The following SCGB2B2 variants were observed in gnomAD, a reference collection of about 807,000 sequenced individuals.
SCGB2B2 encodes the protein secretoglobin-like protein.
SCGB2B2 carries 11 observed loss-of-function variants against 7.6 expected under a neutral mutation model. The observed-to-expected ratio is 1.45, with a 90% confidence interval of 0.91 to 2.40. The LOEUF (loss-of-function observed/expected upper bound fraction) is 2.40. Among genes scored for constraint, SCGB2B2 ranks in the 30% most tolerant of loss-of-function variants. The pLI, the probability that SCGB2B2 is intolerant of heterozygous loss-of-function variation, is 0.00. For synonymous variants in SCGB2B2, 50 were observed against 48.6 expected (o/e 1.03, Z -0.12); for missense variants, 104 against 115.4 (o/e 0.90, Z 0.45).
Position 34,656,040 on chromosome 19 carries a change from G to A in SCGB2B2, c.-2032+19590C>T, listed in dbSNP as rs367988213. On this transcript the variant is annotated intron_variant, in intron 1 of 3. Transcript: ENST00000601241. ...ACCTCTACATCCCCCAATTCATAAT[G>A]AGCTGGTATCATGTTGACACCAAAA... is the stretch of plus-strand genomic sequence containing the variant. 8.6e-4 allele frequency among the ~76,000 whole-genome samples: 130 copies of A among 151,376 alleles called. 2 individuals carry two copies. In the South Asian group the frequency reaches 0.027, roughly 31 times the overall value.
At chr19:34,668,725 T>C (rs1019699393) in intron 1 of SCGB2B2, among the ~76,000 whole-genome samples, 4 of 152,160 alleles carry the variant, frequency 2.6e-5, no homozygotes, top group Non-Finnish European at 5.9e-5. Flanking sequence ...ACTCTGTATC[T>C]AGCTACTCTG....
chr19:34,629,023 T>C (rs556923483), intron 1 of SCGB2B2, among the ~76,000 whole-genome samples: 14 of 152,008 alleles, frequency 9.2e-5, no homozygotes, highest in Middle Eastern at 3.4e-3. Context: ...AAAAACCACA[T>C]GATTATCTCA....
chr19:34,673,637 T>TA (rs1012161360), intron 1 of SCGB2B2, among the ~76,000 whole-genome samples: 1 of 152,004 alleles, frequency 6.6e-6, no homozygotes, highest in African/African-American at 2.4e-5. Context: ...GCAGGCAGAA[T>TA]AAAAAAAATT....
At chr19:34,636,168 T>C in intron 1 of SCGB2B2, among the ~76,000 whole-genome samples, 1 of 152,170 alleles carries the variant, frequency 6.6e-6, no homozygotes, top group Non-Finnish European at 1.5e-5. Flanking sequence ...TACAGCCTGG[T>C]GGGATCTACT....
chr19:34,593,482 G>T lies in SCGB2B2; in HGVS notation c.*73C>A. 8.5e-7 allele frequency: 1 copy of T among 1,181,736 alleles called. No individual in the cohort carries two copies. The allele number at this position is 1,181,736 out of a possible 1,614,324, so 73.2% of individuals were successfully genotyped here. A position where few individuals can be genotyped will look rare whatever the true frequency, so the allele number is the denominator to read the frequency against. ...ATTGGGGTCTCTGTAGTGATGAACA[G>T]AGCCAGGCCAGGAACGCGGGGAGCC... is the stretch of plus-strand genomic sequence containing the variant. On this transcript the variant is annotated 3_prime_UTR_variant, in exon 4 of 4. Coordinates refer to ENST00000601241, the MANE Select transcript of SCGB2B2 (RefSeq NM_001025591.4).
At chr19:34,663,791 T>C (rs991914235) in intron 1 of SCGB2B2, among the ~76,000 whole-genome samples, 13 of 148,760 alleles carry the variant, frequency 8.7e-5, no homozygotes, top group African/African-American at 3.2e-4. Flanking sequence ...GGAGGATAAA[T>C]GAATAAAGAA....
intron 1 of SCGB2B2, among the ~76,000 whole-genome samples, chr19:34,612,898 T>C (rs2065972452): frequency 6.6e-6 from 1 of 152,224 alleles, no homozygotes; most frequent in Non-Finnish European, 1.5e-5. Context: ...ATTGATCTTT[T>C]ACCATTTGAT....
chr19:34,674,716 G>C (rs942325358), intron 1 of SCGB2B2, among the ~76,000 whole-genome samples: 6 of 152,130 alleles, frequency 3.9e-5, no homozygotes, highest in African/African-American at 1.4e-4. Context: ...GCAATATATG[G>C]GAGAGGAAGA....
intron 1 of SCGB2B2, chr19:34,646,042 A>G: frequency 3.6e-6 from 1 of 277,614 alleles, no homozygotes; most frequent in Non-Finnish European, 7.1e-6. Flanking sequence ...TCATTCCCAG[A>G]AAGCCTTGCT....
intron 1 of SCGB2B2, among the ~76,000 whole-genome samples, chr19:34,674,164 G>GGAAAAGCA (rs1329121639): frequency 2.6e-5 from 4 of 152,194 alleles, no homozygotes; most frequent in African/African-American, 9.6e-5. Context: ...GAGATCATGA[G>GGAAAAGCA]GAAAAGCAGA....
intron 1 of SCGB2B2, among the ~76,000 whole-genome samples, chr19:34,622,930 T>A (rs79763565): frequency 6.7e-6 from 1 of 148,388 alleles, no homozygotes; most frequent in African/African-American, 2.5e-5. Context: ...TTTTTTTTTT[T>A]TTTATTATCT....
chr19:34,611,612 AT>A (rs2065929232), intron 1 of SCGB2B2, among the ~76,000 whole-genome samples: 1 of 150,252 alleles, frequency 6.7e-6, no homozygotes, highest in Non-Finnish European at 1.5e-5. Context: ...TGTATGTTGC[AT>A]TTCTATTTTA....
At chr19:34,671,715 G>A (rs1448671530) in intron 1 of SCGB2B2, among the ~76,000 whole-genome samples, 1 of 152,130 alleles carries the variant, frequency 6.6e-6, no homozygotes, top group East Asian at 1.9e-4. Context: ...TCAAGTATAT[G>A]TTGTATGCTC....
intron 1 of SCGB2B2, chr19:34,637,862 C>T (rs1400204786): frequency 6.6e-6 from 1 of 152,136 alleles, no homozygotes; most frequent in African/African-American, 2.4e-5. Context: ...CAATTGCCAA[C>T]TTCAATGGCA....
At chr19:34,632,895 A>G (rs748137278) in intron 1 of SCGB2B2, 3 of 152,332 alleles carry the variant, frequency 2.0e-5, no homozygotes, top group African/African-American at 7.2e-5. Context: ...TACAGCCCCA[A>G]TTACCTCTTT....
intron 1 of SCGB2B2, among the ~76,000 whole-genome samples, chr19:34,604,219 T>C (rs1019361295): frequency 3.9e-5 from 6 of 152,204 alleles, no homozygotes; most frequent in African/African-American, 1.4e-4. Context: ...TCCATTGATA[T>C]CAGGCTCAGG....
At chr19:34,626,179 G>A (rs987909715) in intron 1 of SCGB2B2, among the ~76,000 whole-genome samples, 31 of 152,152 alleles carry the variant, frequency 2.0e-4, no homozygotes, top group Non-Finnish European at 3.1e-4. Context: ...AGAAAAACTG[G>A]AAACTCTAAA....
chr19:34,648,414 C>G (rs2067077292), intron 1 of SCGB2B2, among the ~76,000 whole-genome samples: 1 of 152,120 alleles, frequency 6.6e-6, no homozygotes, highest in Admixed American at 6.5e-5. Context: ...GACAAAGAAG[C>G]TGTTGATGTA....
chr19:34,588,785 C>T (rs1276782783), downstream of SCGB2B2, among the ~76,000 whole-genome samples: 2 of 152,124 alleles, frequency 1.3e-5, no homozygotes, highest in East Asian at 1.9e-4. Context: ...CTCCTCAGGG[C>T]ACATATGGGG....
Sources: allele counts gnomAD v4.1 joint callset (sites outside exome capture counted in the v4.1 genomes callset), GRCh38; gene constraint gnomAD v4.1.1; transcripts MANE v1.5; gene names NCBI Gene and HGNC (gene_info 2026-07-23, HGNC 2026-07-21).